Variants in HYDIN observed in about 807,000 individuals in gnomAD.
The protein encoded by HYDIN is HYDIN axonemal central pair apparatus protein.
In HYDIN, 132 loss-of-function variants were observed where a neutral mutation model predicts 403.9. That is an observed-to-expected ratio of 0.33 (90% CI 0.28 to 0.38). The LOEUF is 0.38. Among genes scored for constraint, HYDIN ranks in the 10% least tolerant of loss-of-function variants. HYDIN has a pLI of 1.00. For missense variants in HYDIN, 2,827 were observed against 5,009.5 expected, an observed-to-expected ratio of 0.56 and a Z score of 13.15; for synonymous variants, 1,202 against 1,891.7, an observed-to-expected ratio of 0.64 and a Z score of 9.46.
intron 50 of HYDIN, among the ~76,000 whole-genome samples, chr16:70,905,191 A>C (rs1209220083): frequency 1.3e-5 from 2 of 152,114 alleles, no homozygotes; most frequent in African/African-American, 4.8e-5. Context: ...CTCCGTATGA[A>C]TATCTGCCAA....
chr16:71,067,421 C>T (rs771620069), intron 14 of HYDIN, 31 bp from the exon 15 acceptor site: 24 of 1,400,116 alleles, frequency 1.7e-5, no homozygotes, highest in Non-Finnish European at 2.0e-5. Flanking sequence ...AGTTGGTCTT[C>T]GAAAAAGCAC....
chr16:71,134,876 C>A (rs2084854992), intron 8 of HYDIN, among the ~76,000 whole-genome samples: 1 of 152,154 alleles, frequency 6.6e-6, no homozygotes, highest in South Asian at 2.1e-4. Context: ...CACCCTGGTG[C>A]AACAAGAGAT....
At chr16:70,822,651 T>C (rs1407851701) in intron 83 of HYDIN, among the ~76,000 whole-genome samples, 1 of 152,200 alleles carries the variant, frequency 6.6e-6, no homozygotes, top group Admixed American at 6.5e-5. Flanking sequence ...GCAAATTTCA[T>C]TGTTGTCTAA....
intron 41 of HYDIN, among the ~76,000 whole-genome samples, chr16:70,946,880 C>T (rs1351423671): frequency 4.6e-5 from 7 of 152,128 alleles, no homozygotes; most frequent in Non-Finnish European, 8.8e-5. Context: ...GATTTTTGTA[C>T]ATTGATTTTG....
intron 3 of HYDIN, among the ~76,000 whole-genome samples, chr16:71,183,785 A>G (rs2087009866): frequency 6.6e-6 from 1 of 152,152 alleles, no homozygotes; most frequent in South Asian, 2.1e-4. Context: ...GAGATAAATG[A>G]TTAAATCTCA....
At chr16:71,101,612 T>C (rs923103796) in intron 10 of HYDIN, among the ~76,000 whole-genome samples, 11 of 151,748 alleles carry the variant, frequency 7.2e-5, no homozygotes, top group Non-Finnish European at 1.3e-4. Flanking sequence ...AAATTCATAA[T>C]TGCAGAAATA....
intron 10 of HYDIN, among the ~76,000 whole-genome samples, chr16:71,105,131 A>C (rs1452146100): frequency 1.3e-5 from 2 of 151,998 alleles, no homozygotes; most frequent in African/African-American, 2.4e-5. Flanking sequence ...AACTTCTAAA[A>C]ATAAAAAGCC....
chr16:70,910,131 T>G (rs1465359449), intron 47 of HYDIN, among the ~76,000 whole-genome samples: 1 of 152,216 alleles, frequency 6.6e-6, no homozygotes, highest in Admixed American at 6.5e-5. Flanking sequence ...AGGTGGTATT[T>G]GATTACATGA....
At chr16:71,199,568 G>T (rs190814895) in intron 1 of HYDIN, among the ~76,000 whole-genome samples, 4 of 152,268 alleles carry the variant, frequency 2.6e-5, no homozygotes, top group South Asian at 4.1e-4. Context: ...ACTTGGCCTG[G>T]TAATCCTTCA....
chr16:70,810,054 T>A, intron 84 of HYDIN, 47 bp from the exon 85 acceptor site: 1 of 1,560,648 alleles, frequency 6.4e-7, no homozygotes, highest in Non-Finnish European at 8.8e-7. Context: ...GGCTAATTCA[T>A]CACCTGCCAC....
intron 10 of HYDIN, among the ~76,000 whole-genome samples, chr16:71,108,222 A>G (rs2083688633): frequency 6.6e-6 from 1 of 152,186 alleles, no homozygotes; most frequent in Admixed American, 6.5e-5. Context: ...ATTGGGTACT[A>G]GGCTTAGAAC....
intron 47 of HYDIN, 97 bp from the exon 48 acceptor site, chr16:70,908,958 T>G: frequency 1.4e-6 from 2 of 1,464,278 alleles, no homozygotes; most frequent in Non-Finnish European, 1.8e-6. Flanking sequence ...GGGGAGATGG[T>G]GCTGCAGGGT....
intron 7 of HYDIN, among the ~76,000 whole-genome samples, chr16:71,152,249 T>C (rs189351504): frequency 3.4e-4 from 52 of 152,134 alleles, no homozygotes; most frequent in Admixed American, 3.3e-3. Flanking sequence ...TTTTTTATCT[T>C]GTGGATCTTA....
At chr16:70,993,463 CCT>C (rs1191914591) in intron 23 of HYDIN, among the ~76,000 whole-genome samples, 2 of 152,038 alleles carry the variant, frequency 1.3e-5, no homozygotes. Context: ...TGTCTGACTT[CCT>C]CTGTTTGGCA....
intron 45 of HYDIN, among the ~76,000 whole-genome samples, chr16:70,928,786 T>C (rs2077231021): frequency 1.8e-5 from 2 of 110,104 alleles, no homozygotes; most frequent in Non-Finnish European, 3.8e-5. Context: ...TAAGAAATGA[T>C]GGCTGGCAAG....
chr16:71,158,664 C>T (rs1257465997), intron 6 of HYDIN, among the ~76,000 whole-genome samples: 9 of 134,134 alleles, frequency 6.7e-5, no homozygotes, highest in Admixed American at 2.2e-4. Flanking sequence ...ACCATTTTTT[C>T]AATTGAAAAA....
intron 10 of HYDIN, among the ~76,000 whole-genome samples, chr16:71,094,253 A>C (rs2083204887): frequency 6.6e-6 from 1 of 151,540 alleles, no homozygotes. Flanking sequence ...AACATATAAA[A>C]ACACAACAGA....
chr16:71,098,645 T>C (rs566215966), intron 10 of HYDIN, among the ~76,000 whole-genome samples: 8 of 150,094 alleles, frequency 5.3e-5, no homozygotes, highest in Admixed American at 1.3e-4. Context: ...AGAAAGAGAA[T>C]TGCAAATATA....
Position 70,920,856 on chromosome 16 carries a change from C to T in HYDIN, c.7520G>A (p.Gly2507Asp), listed in dbSNP as rs760797414. Reference protein sequence around the residue: ...QRQVPLGGRRGRKDRERERLE... With the variant: ...QRQVPLGGRRDRKDRERERLE... Reference sequence around the variant, plus strand: ...GCGCTCTCTCTCCCGGTCCTTGCGGCCCCTGCGCCCACCCAAGGGGACCTG... The same window carrying T: ...GCGCTCTCTCTCCCGGTCCTTGCGGTCCCTGCGCCCACCCAAGGGGACCTG... Residue 2507 changes from glycine to aspartate, a missense_variant, in exon 46 of 86, where the codon GGC (glycine) becomes GAC (aspartate). Coordinates refer to ENST00000393567, the MANE Select transcript of HYDIN (RefSeq NM_001270974.2). 18 of 1,597,666 alleles carry T rather than the reference C, an allele frequency of 1.1e-5. No homozygotes were observed. The Admixed American group carries it at 3.0e-4, about 27-fold the overall frequency.
Sources: gnomAD v4.1 joint callset for allele counts (sites outside exome capture counted in the v4.1 genomes callset) on GRCh38, gnomAD v4.1.1 for gene constraint, MANE v1.5 for transcripts, NCBI Gene and HGNC (gene_info 2026-07-23, HGNC 2026-07-21) for gene names.